The following DST variants were observed in gnomAD, a reference collection of about 807,000 sequenced individuals.
DST encodes the protein bullous pemphigoid antigen.
A neutral mutation model predicts 875.2 loss-of-function variants in DST; 253 were observed. The observed-to-expected ratio is 0.29, with a 90% CI of 0.26 to 0.32. DST has a LOEUF of 0.32. Ranked by LOEUF, DST falls within the 10% of genes least tolerant of loss-of-function variation. DST has a pLI of 1.00. For missense variants in DST, 8,287 were observed against 9,111.6 expected, an observed-to-expected ratio of 0.91 and a Z score of 3.68; for synonymous variants, 3,124 against 3,197.1, an observed-to-expected ratio of 0.98 and a Z score of 0.77.
At chr6:56,630,418 T>C in intron 30 of DST, 35 bp from the exon 31 acceptor site, 1 of 1,591,668 alleles carries the variant, frequency 6.3e-7, no homozygotes. Flanking sequence ...CCACCTATGG[T>C]TAAATGTTTA....
rs1446480074 is a variant in DST, at chr6:56,620,285, C to T, written c.4929+4245G>A. On this transcript the variant is annotated intron_variant, in intron 36 of 103. Transcript: ENST00000680361. ...TCTTTTAAGATGATCTTCCAGTGTTCGTCTGGTAAAGGTGTTTTCCTCCAA... is the reference window on the plus strand; with the variant it reads ...TCTTTTAAGATGATCTTCCAGTGTTTGTCTGGTAAAGGTGTTTTCCTCCAA... 1.2e-5 allele frequency: 19 copies of T among 1,613,992 alleles called. No homozygotes were observed. The highest frequency in any genetic ancestry group is 1.6e-4 in the Middle Eastern group (1 of 6,062).
chr6:56,859,827 G>A (rs1290494402), intron 3 of DST, among the ~76,000 whole-genome samples: 1 of 152,112 alleles, frequency 6.6e-6, no homozygotes, highest in Admixed American at 6.5e-5. Flanking sequence ...TAGTGGAATA[G>A]TATAAATACA....
intron 72 of DST, among the ~76,000 whole-genome samples, chr6:56,515,021 A>T (rs1393037907): frequency 1.3e-5 from 2 of 152,166 alleles, no homozygotes; most frequent in Non-Finnish European, 2.9e-5. Flanking sequence ...CACATTCATT[A>T]TATTACACAT....
intron 4 of DST, among the ~76,000 whole-genome samples, chr6:56,791,984 A>G (rs1281075662): frequency 1.3e-5 from 2 of 152,142 alleles, no homozygotes; most frequent in Non-Finnish European, 2.9e-5. Flanking sequence ...GGGCAGGGAA[A>G]GCACAAAGTG....
At chr6:56,564,120 A>G (rs776944864) in intron 55 of DST, among the ~76,000 whole-genome samples, 8 of 152,170 alleles carry the variant, frequency 5.3e-5, no homozygotes, top group Admixed American at 5.2e-4. Flanking sequence ...AAGAAAGTCA[A>G]TGGTAGCTTG....
intron 2 of DST, among the ~76,000 whole-genome samples, chr6:56,932,170 C>A (rs1419115003): frequency 6.6e-6 from 1 of 152,048 alleles, no homozygotes; most frequent in Non-Finnish European, 1.5e-5. Context: ...TGGTTTCCCC[C>A]AGACTGTTCT....
intron 22 of DST, chr6:56,638,866 T>C (rs1048705337): frequency 1.9e-4 from 48 of 251,832 alleles, no homozygotes; most frequent in Non-Finnish European, 3.2e-4. Flanking sequence ...ATTATTTCCT[T>C]CTTATTCTCA....
chr6:56,501,304 G>A, intron 79 of DST, 69 bp from the exon 80 acceptor site: 2 of 1,451,468 alleles, frequency 1.4e-6, no homozygotes, highest in East Asian at 2.5e-5. Flanking sequence ...TATAAAACAA[G>A]GACAAAAATA....
chr6:56,717,538 C>T (rs2099399653), intron 5 of DST, among the ~76,000 whole-genome samples: 1 of 152,126 alleles, frequency 6.6e-6, no homozygotes, highest in African/African-American at 2.4e-5. Flanking sequence ...AAATGGTTAC[C>T]CATCATTATT....
intron 82 of DST, 36 bp from the exon 83 acceptor site, chr6:56,494,216 G>C: frequency 6.5e-7 from 1 of 1,547,012 alleles, no homozygotes; most frequent in South Asian, 1.2e-5. Flanking sequence ...ATCACTTTAA[G>C]AAAGTAAAAT....
intron 87 of DST, among the ~76,000 whole-genome samples, chr6:56,485,989 G>T (rs908807838): frequency 1.3e-5 from 2 of 152,036 alleles, no homozygotes; most frequent in Middle Eastern, 3.4e-3. Context: ...TTATTTTTTT[G>T]TCTTTTCAAA....
rs1049194269 is a variant in DST, at chr6:56,806,714, T to A, written c.625+44683A>T. 3.9e-5 allele frequency among the ~76,000 whole-genome samples: 6 copies of A among 152,338 alleles called. No individual in the cohort carries two copies. In the East Asian group the frequency reaches 1.2e-3, roughly 29 times the overall value. On this transcript the variant is annotated intron_variant, in intron 4 of 103. Transcript: ENST00000680361. Reference sequence around the variant, plus strand: ...TACTTGATGGTAAAGATGACAATGATGATAATAATGACAACAACTTGTATT... The same window carrying A: ...TACTTGATGGTAAAGATGACAATGAAGATAATAATGACAACAACTTGTATT...
intron 50 of DST, among the ~76,000 whole-genome samples, chr6:56,578,561 T>C (rs902052685): frequency 2.0e-5 from 3 of 152,140 alleles, no homozygotes; most frequent in Admixed American, 2.0e-4. Flanking sequence ...CATAGCGAGT[T>C]CCTGTTATGT....
rs762637278 is a variant in DST at position 56,618,564 on chromosome 6, G to A, written c.4930-4080C>T. Reference sequence around the variant, plus strand: ...TCAAGTTTCTGACATTTTTGGTAATGATTTGCTTCCATGTGCTGCCCTTGC... The same window carrying A: ...TCAAGTTTCTGACATTTTTGGTAATAATTTGCTTCCATGTGCTGCCCTTGC... On this transcript the variant is annotated intron_variant, in intron 36 of 103. Coordinates refer to ENST00000680361, the MANE Select transcript of DST (RefSeq NM_001374736.1). 2.5e-6 allele frequency: 4 copies of A among 1,614,008 alleles called. No homozygotes were observed. The highest frequency in any genetic ancestry group is 3.4e-6 in the Non-Finnish European group (4 of 1,180,050).
At chr6:56,519,416 G>A (rs1441626469) in intron 69 of DST, among the ~76,000 whole-genome samples, 1 of 152,144 alleles carries the variant, frequency 6.6e-6, no homozygotes, top group East Asian at 1.9e-4. Context: ...ACTCTTGCCG[G>A]GAGATGTTAG....
At chr6:56,663,561 G>A (rs969787830) in intron 10 of DST, among the ~76,000 whole-genome samples, 2 of 152,204 alleles carry the variant, frequency 1.3e-5, no homozygotes, top group African/African-American at 2.4e-5. Flanking sequence ...CCTCCTCCCG[G>A]TATTAAACCA....
chr6:56,555,268 T>G, intron 60 of DST, 77 bp downstream of exon 60: 1 of 1,471,514 alleles, frequency 6.8e-7, no homozygotes, highest in Non-Finnish European at 9.1e-7. Context: ...TCCTGGATTA[T>G]TGGCAACATC....
chr6:56,691,810 G>T (rs1412610523), intron 9 of DST, among the ~76,000 whole-genome samples: 1 of 151,866 alleles, frequency 6.6e-6, no homozygotes, highest in African/African-American at 2.4e-5. Flanking sequence ...TTAGACTGGG[G>T]CTGGGGAATA....
At chr6:56,612,057 T>C (rs1227520110) in intron 37 of DST, among the ~76,000 whole-genome samples, 1 of 152,200 alleles carries the variant, frequency 6.6e-6, no homozygotes, top group Admixed American at 6.5e-5. Context: ...TAATAATCTG[T>C]AGGTATGCAG....
Sources: gnomAD v4.1 joint callset for allele counts (sites outside exome capture counted in the v4.1 genomes callset) on GRCh38, gnomAD v4.1.1 for gene constraint, MANE v1.5 for transcripts, NCBI Gene and HGNC (gene_info 2026-07-23, HGNC 2026-07-21) for gene names.